Variants in MAST1 observed in about 807,000 individuals in gnomAD.
The protein encoded by MAST1 is microtubule-associated serine/threonine-protein kinase 1.
A neutral mutation model predicts 124.6 loss-of-function variants in MAST1; 40 were observed. That is an observed-to-expected ratio of 0.32 (90% CI 0.25 to 0.42). The LOEUF is 0.42. Ranked by LOEUF, MAST1 falls within the 10% of genes least tolerant of loss-of-function variation. The probability of loss-of-function intolerance (pLI) is 1.00; values close to 1 mark genes in which losing one functional copy is unlikely to be tolerated. For synonymous variants in MAST1, 938 were observed against 939.4 expected (o/e 1.00, Z 0.03); for missense variants, 1,558 against 2,181.9 (o/e 0.71, Z 5.70).
At chr19:12,839,882 C>A (rs550692539) in intron 1 of MAST1, among the ~76,000 whole-genome samples, 2 of 151,928 alleles carry the variant, frequency 1.3e-5, no homozygotes, top group Admixed American at 6.6e-5. Flanking sequence ...GCACTCCAGC[C>A]GGGCGACAGA....
In MAST1 at chr19:12,866,742, T is replaced by G; in HGVS notation, c.2119T>G (p.Cys707Gly). 6.2e-7 allele frequency: 1 copy of G among 1,613,716 alleles called. No homozygotes were observed. The highest frequency in any genetic ancestry group is 8.5e-7 in the Non-Finnish European group (1 of 1,179,846). Reference protein sequence around the residue: ...EPVEIRQFSSCSPRFSKVYSS... With the variant: ...EPVEIRQFSSGSPRFSKVYSS... Reference sequence around the variant, plus strand: ...CGTGGAAATCCGCCAGTTCTCTTCCTGCTCTCCGCGCTTCAGCAAGGTGGG... The same window carrying G: ...CGTGGAAATCCGCCAGTTCTCTTCCGGCTCTCCGCGCTTCAGCAAGGTGGG... The change falls in exon 18 of 26, where the codon TGC becomes GGC. Residue 707 changes from cysteine to glycine, a missense_variant. Around this residue, in one of 10 missense-constraint regions of MAST1, gnomAD observed 287 missense variants for 308.0 expected, o/e 0.93. Transcript: ENST00000251472. The surrounding 1 kb of genome is among the most constrained non-coding windows in gnomAD (Gnocchi z 5.2).
rs769292878 is a variant in MAST1 at position 12,865,692 on chromosome 19, C to G, written c.1805-25C>G. ...AAACAACAACAACAACAAAAACCGC[C>G]CCTAAGTTCCGTTTTGTTTTGCAGA... On this transcript the variant is annotated intron_variant, in intron 15 of 25. Coordinates refer to ENST00000251472, the MANE Select transcript of MAST1 (RefSeq NM_014975.3). The surrounding 1 kb of genome is among the most constrained non-coding windows in gnomAD (Gnocchi z 7.1). 6.3e-7 allele frequency: 1 copy of G among 1,584,930 alleles called. No homozygotes were observed. Among genetic ancestry groups the G allele is most frequent in the Admixed American group, 1.8e-5 (1 of 56,722 alleles).
rs751046045 is a variant in MAST1, at chr19:12,874,550, C to T, written c.4393C>T (p.Pro1465Ser). The T allele has an allele frequency of 2.1e-5, 31 of 1,511,780 alleles. No individual in the cohort carries two copies. In the African/African-American group the frequency reaches 3.5e-4, roughly 17 times the overall value. 93.6% of individuals were successfully genotyped at this position (1,511,780 alleles called of 1,614,324 possible). Reference sequence around the variant, plus strand: ...CTCCAAGGGGTTGCAGGAACCCGCACCCCTGGCGCCTTCCGTGCCCGAGGC... The same window carrying T: ...CTCCAAGGGGTTGCAGGAACCCGCATCCCTGGCGCCTTCCGTGCCCGAGGC... ...ADSKGLQEPA[P>S]LAPSVPEAPR... The change falls in exon 26 of 26, where the codon CCC (proline) becomes TCC (serine). Residue 1465 changes from proline to serine, a missense_variant. Coordinates refer to ENST00000251472, the MANE Select transcript of MAST1 (RefSeq NM_014975.3). This position sits in a 1 kb window ranked among gnomAD's most constrained non-coding sequence, Gnocchi z 6.6.
rs754204317 is a variant in MAST1 at position 12,867,617 on chromosome 19, G to C, written c.2283G>C (p.Leu761=). The change falls in exon 19 of 26, where the codon CTG becomes CTC. Residue 761 remains leucine (L), a synonymous_variant. Coordinates refer to ENST00000251472, the MANE Select transcript of MAST1 (RefSeq NM_014975.3). ...GGGAGGGGCTGGGCGGCCTGACCCT[G>C]CGTGAGAAGACCTGGAGAGGGGGCT... is the stretch of plus-strand genomic sequence containing the variant. ...GKREGLGGLT[L]REKTWRGGSP... The C allele has an allele frequency of 6.8e-6, 11 of 1,610,772 alleles. No individual in the cohort carries two copies. In the African/African-American group the frequency reaches 1.2e-4, roughly 18 times the overall value.
At chr19:12,869,034 T>C (rs1970199828) in intron 21 of MAST1, 32 bp from the exon 22 acceptor site, 1 of 1,605,362 alleles carries the variant, frequency 6.2e-7, no homozygotes, top group Non-Finnish European at 8.5e-7. Flanking sequence ...TCTTCTTGGT[T>C]CTGATTTCTG....
chr19:12,857,876 C>A (rs1970034660), intron 10 of MAST1, among the ~76,000 whole-genome samples: 1 of 151,838 alleles, frequency 6.6e-6, no homozygotes, highest in Admixed American at 6.6e-5. Context: ...ATTAGCCTGG[C>A]ATGGTGGCAT....
chr19:12,839,983 CTG>C (rs1447608929), intron 1 of MAST1, among the ~76,000 whole-genome samples: 1 of 152,216 alleles, frequency 6.6e-6, no homozygotes, highest in Non-Finnish European at 1.5e-5. Flanking sequence ...GCATTTCACA[CTG>C]TGTCACATAG....
Position 12,867,721 on chromosome 19 carries a change from TC to T in MAST1, c.2319-7del. 1.3e-6 allele frequency: 2 copies of T among 1,531,000 alleles called. No homozygotes were observed. Among genetic ancestry groups the T allele is most frequent in the Non-Finnish European group, 1.8e-6 (2 of 1,139,792 alleles). The allele number at this position is 1,531,000 out of a possible 1,614,324, so 94.8% of individuals were successfully genotyped here. On this transcript the variant is annotated splice_region_variant and splice_polypyrimidine_tract_variant and intron_variant, in intron 19 of 25. Coordinates refer to ENST00000251472, the MANE Select transcript of MAST1 (RefSeq NM_014975.3). ...GCGTGTCTTCCATAACCACGCCCCCTCCATGCAGCAAGCGATTCTCCGCGTC... is the reference window on the plus strand; with the variant it reads ...GCGTGTCTTCCATAACCACGCCCCCTCATGCAGCAAGCGATTCTCCGCGTC...
intron 7 of MAST1, among the ~76,000 whole-genome samples, chr19:12,849,671 AT>A (rs1969938138): frequency 1.3e-5 from 2 of 151,846 alleles, no homozygotes; most frequent in South Asian, 2.1e-4. Context: ...CTCAAAAAAA[AT>A]AAAAATAAAA....
chr19:12,865,024 A>G lies in MAST1; in HGVS notation c.1506-22A>G, dbSNP rs771656752. 3 of 1,613,568 alleles carry G rather than the reference A, an allele frequency of 1.9e-6. No homozygotes were observed. The highest frequency in any genetic ancestry group is 2.5e-6 in the Non-Finnish European group (3 of 1,179,688). The stretch of plus-strand genomic sequence containing the variant: ...GCAGAATGGACGGGCCTCATCCCTG[A>G]GATCCCCACCTGTGCCTACAGCCTC... On this transcript the variant is annotated intron_variant, in intron 13 of 25. Coordinates refer to ENST00000251472, the MANE Select transcript of MAST1 (RefSeq NM_014975.3). The surrounding 1 kb of genome is among the most constrained non-coding windows in gnomAD (Gnocchi z 7.1).
At chr19:12,861,119 G>A (rs56160517) in intron 12 of MAST1, among the ~76,000 whole-genome samples, 25,503 of 151,942 alleles carry the variant, frequency 0.17, 2,649 homozygotes, top group Non-Finnish European at 0.24. Flanking sequence ...CTGGAGTGCC[G>A]TGGCGCAATC....
In MAST1 at chr19:12,873,390, G is replaced by C; in HGVS notation, c.3330G>C (p.Ser1110=). The change falls in exon 25 of 26, where the codon TCG becomes TCC. Residue 1110 remains serine (S), a synonymous_variant. Coordinates refer to ENST00000251472, the MANE Select transcript of MAST1 (RefSeq NM_014975.3). ...CGAACCTGCTGCATACTAGCCGCTC[G>C]CTGTCGTCGCTGAACCGCTCGCTGT... ...KQSNLLHTSR[S]LSSLNRSLSS... The C allele has an allele frequency of 6.2e-7, 1 of 1,613,982 alleles. No homozygotes were observed. The highest frequency in any genetic ancestry group is 8.5e-7 in the Non-Finnish European group (1 of 1,179,988).
chr19:12,866,699 C>T lies in MAST1; in HGVS notation c.2076C>T (p.Asp692=), dbSNP rs768943704. 21 of 1,613,860 alleles carry T rather than the reference C, an allele frequency of 1.3e-5. No individual in the cohort carries two copies. The highest frequency in any genetic ancestry group is 1.7e-5 in the Non-Finnish European group (20 of 1,179,994). ...YHHVNSYDED[D]TTEEEPVEIR... is the part of the protein sequence containing the mutation. ...ACGTGAACTCCTATGACGAGGATGA[C>T]ACGACGGAGGAGGAGCCCGTGGAAA... The change falls in exon 18 of 26, where the codon GAC becomes GAT. Residue 692 remains aspartate (D), a synonymous_variant. Coordinates refer to ENST00000251472, the MANE Select transcript of MAST1 (RefSeq NM_014975.3). This position sits in a 1 kb window ranked among gnomAD's most constrained non-coding sequence, Gnocchi z 5.2.
intron 10 of MAST1, among the ~76,000 whole-genome samples, chr19:12,853,324 T>C (rs1969985111): frequency 6.6e-6 from 1 of 151,148 alleles, no homozygotes; most frequent in African/African-American, 2.4e-5. Context: ...GGCTTAGGCC[T>C]GTAATCCCAG....
intron 12 of MAST1, 153 bp downstream of exon 12, chr19:12,858,892 A>G (rs1970047764): frequency 4.3e-6 from 3 of 699,030 alleles, no homozygotes; most frequent in Non-Finnish European, 7.4e-6. Context: ...TTGTCCATCC[A>G]TTCTACCTAT....
At position 12,847,557 on chromosome 19, in the gene MAST1, C is replaced by A; in HGVS notation, c.489-55C>A. ...AAAGGGTTACATCTTGGGGCGGGGG[C>A]TCTCTGCGGGCTTGGAGGCAGAGGA... is the stretch of plus-strand genomic sequence containing the variant. On this transcript the variant is annotated intron_variant, in intron 5 of 25. Coordinates refer to ENST00000251472, the MANE Select transcript of MAST1 (RefSeq NM_014975.3). This position sits in a 1 kb window ranked among gnomAD's most constrained non-coding sequence, Gnocchi z 5.5. The A allele has an allele frequency of 6.2e-7, 1 of 1,613,090 alleles. No individual in the cohort carries two copies.
rs2145916374 is a variant in MAST1, at chr19:12,873,723, G to T, written c.3566G>T (p.Arg1189Leu). 6.2e-7 allele frequency: 1 copy of T among 1,602,332 alleles called. No individual in the cohort carries two copies. The highest frequency in any genetic ancestry group is 8.5e-7 in the Non-Finnish European group (1 of 1,179,152). The change falls in exon 26 of 26, where the codon CGC (arginine) becomes CTC (leucine). Residue 1189 changes from arginine to leucine, a missense_variant. Physicochemically the swap from Arg to Leu is moderately radical, Grantham distance 102 (BLOSUM62 -2). Coordinates refer to ENST00000251472, the MANE Select transcript of MAST1 (RefSeq NM_014975.3). Reference protein sequence around the residue: ...TLHGLSPKLHRQYRSARCKSA... With the variant: ...TLHGLSPKLHLQYRSARCKSA... ...CACGGACTGTCGCCAAAGCTCCATC[G>T]CCAGTACCGCTCTGCGCGATGCAAG...
In MAST1 at chr19:12,865,756, C is replaced by A. The variant is rs769003664; in HGVS notation, c.1844C>A (p.Thr615Lys). Residue 615 changes from threonine to lysine, a missense_variant, in exon 16 of 26, where the codon ACG becomes AAG. By Grantham distance (78) the Thr-to-Lys change is moderately conservative (BLOSUM62 -1). This residue lies in a region of MAST1 where 145 missense variants were observed against 350.0 expected (regional missense o/e 0.41). Coordinates refer to ENST00000251472, the MANE Select transcript of MAST1 (RefSeq NM_014975.3). The surrounding 1 kb of genome is among the most constrained non-coding windows in gnomAD (Gnocchi z 7.1). ...CCCGAGGGGGATGAGGCCCTACCTACGGAGGCCCAACTCCTCATATCCAGC... is the reference window on the plus strand; with the variant it reads ...CCCGAGGGGGATGAGGCCCTACCTAAGGAGGCCCAACTCCTCATATCCAGC... ...LWPEGDEALP[T>K]EAQLLISSLL... 6.2e-7 allele frequency: 1 copy of A among 1,613,808 alleles called. No individual in the cohort carries two copies. Among genetic ancestry groups the A allele is most frequent in the Admixed American group, 1.7e-5 (1 of 60,004 alleles).
rs201036713 is a variant in MAST1 at position 12,858,648 on chromosome 19, C to T, written c.1275C>T (p.Ile425=). The T allele has an allele frequency of 1.0e-4, 161 of 1,614,258 alleles. 2 individuals carry two copies. In the South Asian group the frequency reaches 1.0e-3, roughly 10 times the overall value. ...QIQQAFVERD[I]LTFAENPFVV... Reference sequence around the variant, plus strand: ...AGCAGGCCTTTGTGGAGCGCGATATCCTCACCTTCGCCGAGAACCCGTTTG... The same window carrying T: ...AGCAGGCCTTTGTGGAGCGCGATATTCTCACCTTCGCCGAGAACCCGTTTG... Residue 425 remains isoleucine, a synonymous_variant, in exon 12 of 26, where the codon ATC becomes ATT. Coordinates refer to ENST00000251472, the MANE Select transcript of MAST1 (RefSeq NM_014975.3).
Sources: gnomAD v4.1 joint callset for allele counts (sites outside exome capture counted in the v4.1 genomes callset) on GRCh38, gnomAD v4.1.1 for gene constraint, gnomAD v4.1.1 regional missense constraint, Gnocchi (gnomAD v3.1) non-coding constraint, MANE v1.5 for transcripts, NCBI Gene and HGNC (gene_info 2026-07-23, HGNC 2026-07-21) for gene names.